QRICH2: variants seen among roughly 807,000 people sequenced by gnomAD.
QRICH2 encodes the protein glutamine rich 2.
Under a neutral mutation model 168.3 loss-of-function variants are expected in QRICH2, and 119 were observed. The observed-to-expected ratio is 0.71, with a 90% CI of 0.61 to 0.82. The LOEUF is 0.82. Among genes scored for constraint, QRICH2 ranks in the 40% least tolerant of loss-of-function variants. QRICH2 has a pLI of 0.00. For missense variants in QRICH2, 2,241 were observed against 2,491.6 expected (o/e 0.90, Z 2.14); for synonymous variants, 894 against 951.2 (o/e 0.94, Z 1.11).
rs1001142229 is a variant in QRICH2 at position 76,281,562 on chromosome 17, G to A, written c.4263+302C>T. On this transcript the variant is annotated intron_variant, in intron 8 of 18. Coordinates refer to ENST00000680821, the MANE Select transcript of QRICH2 (RefSeq NM_001388453.1). This position sits in a 1 kb window ranked among gnomAD's most constrained non-coding sequence, Gnocchi z 4.4. ...GGGAGTCAACATCTCCTACAGTTGGGCCTGTGTCTCCAGGGCACGCGAAGG... is the reference window on the plus strand; with the variant it reads ...GGGAGTCAACATCTCCTACAGTTGGACCTGTGTCTCCAGGGCACGCGAAGG... Among the ~76,000 whole-genome samples, 1 of 152,200 alleles carries A rather than the reference G, an allele frequency of 6.6e-6. No homozygotes were observed. Among genetic ancestry groups the A allele is most frequent in the East Asian group, 1.9e-4 (1 of 5,196 alleles).
At chr17:76,279,974 C>A in intron 12 of QRICH2, 59 bp downstream of exon 12, 1 of 1,540,684 alleles carries the variant, frequency 6.5e-7, no homozygotes, top group Non-Finnish European at 8.7e-7. Flanking sequence ...CCCCCAGCCC[C>A]CTCTGCCCTC....
At chr17:76,288,972 C>T (rs1378058845) in intron 5 of QRICH2, among the ~76,000 whole-genome samples, 3 of 149,988 alleles carry the variant, frequency 2.0e-5, no homozygotes, top group Admixed American at 6.6e-5. Flanking sequence ...GGCGTGGTGG[C>T]GAGCACCTGT....
At position 76,293,283 on chromosome 17, in the gene QRICH2, G is replaced by T; in HGVS notation, c.1444C>A (p.Gln482Lys). 1 of 1,614,048 alleles carries T rather than the reference G, an allele frequency of 6.2e-7. No individual in the cohort carries two copies. Among genetic ancestry groups the T allele is most frequent in the Non-Finnish European group, 8.5e-7 (1 of 1,180,042 alleles). ...ATGCCAAGTGGTTCCATACTGCGTT[G>T]GTCTGTGCCAGGAAATGTCATACCA... is the stretch of plus-strand genomic sequence containing the variant. Reference protein sequence around the residue: ...QHGMTFPGTDQRSMEPLGMDQ... With the variant: ...QHGMTFPGTDKRSMEPLGMDQ... The change falls in exon 4 of 19, where the codon CAA becomes AAA. Residue 482 changes from glutamine (Q) to lysine (K), a missense_variant. By Grantham distance (53) the Gln-to-Lys change is moderately conservative (BLOSUM62 1). This residue lies in a region of QRICH2 where 2,047 missense variants were observed against 2,303.8 expected (regional missense o/e 0.89). Coordinates refer to ENST00000680821, the MANE Select transcript of QRICH2 (RefSeq NM_001388453.1).
chr17:76,296,660 C>T (rs1218426912), intron 3 of QRICH2, among the ~76,000 whole-genome samples: 4 of 151,754 alleles, frequency 2.6e-5, no homozygotes, highest in Non-Finnish European at 5.9e-5. Context: ...TGCTTGTAGT[C>T]GCAGCTACTT....
intron 4 of QRICH2, 150 bp from the exon 5 acceptor site, chr17:76,290,227 G>A (rs1046686487): frequency 5.6e-6 from 3 of 539,980 alleles, no homozygotes; most frequent in African/African-American, 1.9e-5. Flanking sequence ...GGGAAAGGGA[G>A]GTGGGAAGAA....
rs142475692 is a variant in QRICH2 at position 76,291,243 on chromosome 17, C to T, written c.3484G>A (p.Asp1162Asn). The T allele has an allele frequency of 5.6e-6, 9 of 1,614,054 alleles. No homozygotes were observed. The highest frequency in any genetic ancestry group is 1.3e-5 in the African/African-American group (1 of 74,938). ...TCGCTCCCTTCTGATAAGACTCGGT[C>T]GACGGAGTCTGGACTCCTGAAAAGA... ...VTLFRSPDSV[D>N]RVLSEGSEVS... The change falls in exon 4 of 19, where the codon GAC becomes AAC. Residue 1162 changes from aspartate (D) to asparagine (N), a missense_variant. By Grantham distance (23) the Asp-to-Asn change is conservative. Around this residue, in one of 3 missense-constraint regions of QRICH2, gnomAD observed 2,047 missense variants for 2,303.8 expected, o/e 0.89. Coordinates refer to ENST00000680821, the MANE Select transcript of QRICH2 (RefSeq NM_001388453.1).
chr17:76,278,048 GCTGGC>G lies in QRICH2; in HGVS notation c.5053_5057del (p.Ala1685GlnfsTer26). ...GCAGCAGCTCGCGGATTATCTGGCT[GCTGGC>G]CTTGGTGGAGCCCCCGAAGTGGATC... On this transcript the variant is annotated frameshift_variant, in exon 15 of 19. Coordinates refer to ENST00000680821, the MANE Select transcript of QRICH2 (RefSeq NM_001388453.1). LOFTEE classifies it high-confidence loss of function. 1 of 1,613,894 alleles carries G rather than the reference GCTGGC, an allele frequency of 6.2e-7. No individual in the cohort carries two copies. Among genetic ancestry groups the G allele is most frequent in the Non-Finnish European group, 8.5e-7 (1 of 1,180,034 alleles).
At chr17:76,306,589 A>C (rs2070994666) in intron 1 of QRICH2, among the ~76,000 whole-genome samples, 1 of 152,204 alleles carries the variant, frequency 6.6e-6, no homozygotes, top group African/African-American at 2.4e-5. Context: ...CCAAGAAAAC[A>C]AAAGTCCAGT....
chr17:76,290,297 G>A (rs77123057), intron 4 of QRICH2, among the ~76,000 whole-genome samples: 320 of 152,254 alleles, frequency 2.1e-3, no homozygotes, highest in African/African-American at 7.0e-3. Context: ...ATCCTAAAGG[G>A]CTTTGGGACA....
upstream of QRICH2, among the ~76,000 whole-genome samples, chr17:76,309,269 T>A (rs866971063): frequency 2.0e-5 from 3 of 148,824 alleles, no homozygotes; most frequent in African/African-American, 7.4e-5. Context: ...GGCAGGAGAA[T>A]CGCGTCAACC....
chr17:76,294,091 T>C (rs2071065335), intron 3 of QRICH2, 70 bp from the exon 4 acceptor site: 19 of 1,512,666 alleles, frequency 1.3e-5, no homozygotes, highest in Non-Finnish European at 1.7e-5. Context: ...AGAAAGGAAA[T>C]CTGGAAGTTC....
intron 12 of QRICH2, among the ~76,000 whole-genome samples, 174 bp downstream of exon 12, chr17:76,279,859 C>A (rs956844369): frequency 1.3e-5 from 2 of 152,186 alleles, no homozygotes; most frequent in Non-Finnish European, 1.5e-5. Flanking sequence ...TACGAAGGGG[C>A]CTGAGCTAGA....
chr17:76,293,843 G>A lies in QRICH2; in HGVS notation c.884C>T (p.Ser295Phe), dbSNP rs568312633. Residue 295 changes from serine (S) to phenylalanine (F), a missense_variant, in exon 4 of 19, where the codon TCT becomes TTT. This residue lies in a region of QRICH2 where 2,047 missense variants were observed against 2,303.8 expected (regional missense o/e 0.89). Coordinates refer to ENST00000680821, the MANE Select transcript of QRICH2 (RefSeq NM_001388453.1). Reference sequence around the variant, plus strand: ...TTGTTCCCTACTGGAAACCCCATCAGAGGGGTGTGCTGTGCCACCAGATCC... The same window carrying A: ...TTGTTCCCTACTGGAAACCCCATCAAAGGGGTGTGCTGTGCCACCAGATCC... ...ASGSGGTAHP[S>F]DGVSSREQSK... The A allele has an allele frequency of 2.5e-6, 4 of 1,614,048 alleles. No homozygotes were observed. The highest frequency in any genetic ancestry group is 1.7e-5 in the Admixed American group (1 of 60,006).
intron 14 of QRICH2, among the ~76,000 whole-genome samples, chr17:76,278,439 G>A (rs1299035801): frequency 6.6e-6 from 1 of 152,262 alleles, no homozygotes; most frequent in Non-Finnish European, 1.5e-5. Flanking sequence ...CCTGTCTGCA[G>A]CTGTGGGTGG....
chr17:76,286,875 CAAAAAAAAA>C (rs574718247), intron 7 of QRICH2, among the ~76,000 whole-genome samples: 3 of 65,262 alleles, frequency 4.6e-5, no homozygotes, highest in Non-Finnish European at 9.5e-5. Flanking sequence ...AATTCCATCT[CAAAAAAAAA>C]AAAAAAAAAA....
Position 76,277,231 on chromosome 17 carries a change from G to T in QRICH2, c.5197C>A (p.His1733Asn). ...GGSHTLTYPY[H>N]RSRPQHLPRG... is the part of the protein sequence containing the mutation. ...GGAAGGTGCTGCGGGCGGCTGCGGT[G>T]GTAGGGGTAGGTGAGGGTGTGGCTG... The change falls in exon 16 of 19, where the codon CAC becomes AAC. Residue 1733 changes from histidine (H) to asparagine (N), a missense_variant. By Grantham distance (68) the His-to-Asn change is moderately conservative. Around this residue, in one of 3 missense-constraint regions of QRICH2, gnomAD observed 2,047 missense variants for 2,303.8 expected, o/e 0.89. Transcript: ENST00000680821. 6.2e-7 allele frequency: 1 copy of T among 1,602,808 alleles called. No homozygotes were observed. Among genetic ancestry groups the T allele is most frequent in the Non-Finnish European group, 8.5e-7 (1 of 1,177,006 alleles).
Position 76,297,870 on chromosome 17 carries a change from G to GTTTTTTTTTTTTTTTTTT in QRICH2, c.706-3867_706-3850dup, listed in dbSNP as rs1169251679. Among the ~76,000 whole-genome samples the GTTTTTTTTTTTTTTTTTT allele has an allele frequency of 2.8e-4, 22 of 79,492 alleles. 2 individuals carry two copies. Among genetic ancestry groups the GTTTTTTTTTTTTTTTTTT allele is most frequent in the South Asian group, 9.4e-4 (2 of 2,124 alleles). 52.1% of individuals were successfully genotyped at this position (79,492 alleles called of 152,430 possible). ...AGTAGCTAGGACTACTTAGGAATCT[G>GTTTTTTTTTTTTTTTTTT]TTTTTTTTTTTTTTTTTTTTTTTTT... On this transcript the variant is annotated intron_variant, in intron 3 of 18. Transcript: ENST00000680821.
chr17:76,290,201 G>C, intron 4 of QRICH2, 124 bp from the exon 5 acceptor site: 2 of 597,060 alleles, frequency 3.3e-6, no homozygotes, highest in South Asian at 4.0e-5. Context: ...ACTTTATCCT[G>C]TGTCTCCTGG....
In QRICH2 at chr17:76,291,062, G is replaced by T. The variant is rs1185422826; in HGVS notation, c.3665C>A (p.Ala1222Asp). 1 of 1,614,102 alleles carries T rather than the reference G, an allele frequency of 6.2e-7. No individual in the cohort carries two copies. The highest frequency in any genetic ancestry group is 1.1e-5 in the South Asian group (1 of 91,086). Reference sequence around the variant, plus strand: ...GATCTTCTCCAAGTCGGTTTGGCCGGCCTGCTCCTCATCCAGATCCTTCAT... The same window carrying T: ...GATCTTCTCCAAGTCGGTTTGGCCGTCCTGCTCCTCATCCAGATCCTTCAT... ...ESMKDLDEEQ[A>D]GQTDLEKIQF... Residue 1222 changes from alanine (A) to aspartate (D), a missense_variant, in exon 4 of 19, where the codon GCC (alanine) becomes GAC (aspartate). Coordinates refer to ENST00000680821, the MANE Select transcript of QRICH2 (RefSeq NM_001388453.1).
Sources: allele counts gnomAD v4.1 joint callset (sites outside exome capture counted in the v4.1 genomes callset), GRCh38; gene constraint gnomAD v4.1.1; regional missense constraint gnomAD v4.1.1; non-coding constraint Gnocchi (gnomAD v3.1); transcripts MANE v1.5; gene names NCBI Gene and HGNC (gene_info 2026-07-23, HGNC 2026-07-21).